KATNIP: variants seen among roughly 807,000 people sequenced by gnomAD.
The protein encoded by KATNIP is katanin-interacting protein.
In KATNIP, 126 loss-of-function variants were observed where a neutral mutation model predicts 174.0. The observed-to-expected ratio is 0.72, with a 90% confidence interval of 0.63 to 0.84. The LOEUF (loss-of-function observed/expected upper bound fraction) is 0.84. Among genes scored for constraint, KATNIP ranks in the 40% least tolerant of loss-of-function variants. The pLI is 0.00. For synonymous variants in KATNIP, 810 were observed against 835.7 expected (o/e 0.97, Z 0.53); for missense variants, 1,958 against 2,109.7 (o/e 0.93, Z 1.41).
rs138379305 is a variant in KATNIP, at chr16:27,699,075, G to A, written c.1114-459G>A. Among the ~76,000 whole-genome samples, 264 of 152,328 alleles carry A rather than the reference G, an allele frequency of 1.7e-3. 1 individual carries two copies. The highest frequency in any genetic ancestry group is 4.9e-3 in the African/African-American group (202 of 41,570). Reference sequence around the variant, plus strand: ...GCATTGGGTATAGCTTGGTGTGCACGTCCTTTCTCAGAAGCTTGGTCTGTG... The same window carrying A: ...GCATTGGGTATAGCTTGGTGTGCACATCCTTTCTCAGAAGCTTGGTCTGTG... On this transcript the variant is annotated intron_variant, in intron 9 of 27. Transcript: ENST00000261588.
chr16:27,740,426 A>C lies in KATNIP; in HGVS notation c.2129A>C (p.Asp710Ala). ...TCGGCAGTCCCCACTTCGATGGGTGACATGCCCAGTGCTCCTGCCACTTCC... is the reference window on the plus strand; with the variant it reads ...TCGGCAGTCCCCACTTCGATGGGTGCCATGCCCAGTGCTCCTGCCACTTCC... ...RLSAVPTSMG[D>A]MPSAPATSPP... The change falls in exon 15 of 28, where the codon GAC (aspartate) becomes GCC (alanine). Residue 710 changes from aspartate (D) to alanine (A), a missense_variant. Around this residue, in one of 3 missense-constraint regions of KATNIP, gnomAD observed 1,557 missense variants for 1,617.8 expected, o/e 0.96. Transcript: ENST00000261588. 1 of 1,614,038 alleles carries C rather than the reference A, an allele frequency of 6.2e-7. No individual in the cohort carries two copies. Among genetic ancestry groups the C allele is most frequent in the East Asian group, 2.2e-5 (1 of 44,890 alleles).
chr16:27,678,433 CT>C (rs2142768528), intron 7 of KATNIP, among the ~76,000 whole-genome samples: 1 of 152,178 alleles, frequency 6.6e-6, no homozygotes, highest in South Asian at 2.1e-4. Flanking sequence ...CTCCTTTTCC[CT>C]TCTGGCCTCT....
chr16:27,567,819 C>T (rs1051363150), intron 1 of KATNIP, among the ~76,000 whole-genome samples: 17 of 152,128 alleles, frequency 1.1e-4, no homozygotes, highest in African/African-American at 4.1e-4. Context: ...TGAGCCACTG[C>T]ACCCAGTGGT....
At chr16:27,627,630 G>A (rs917113014) in intron 3 of KATNIP, among the ~76,000 whole-genome samples, 18 of 152,208 alleles carry the variant, frequency 1.2e-4, no homozygotes, top group Admixed American at 6.5e-5. Context: ...CTCGTACTGC[G>A]AATAATGAGA....
At chr16:27,581,287 A>G (rs2090688452) in intron 2 of KATNIP, among the ~76,000 whole-genome samples, 1 of 152,234 alleles carries the variant, frequency 6.6e-6, no homozygotes, top group Admixed American at 6.5e-5. Context: ...CCCTGTGCAC[A>G]TAGGAATAGC....
intron 2 of KATNIP, among the ~76,000 whole-genome samples, chr16:27,584,342 G>A (rs533328082): frequency 6.6e-6 from 1 of 151,974 alleles, no homozygotes; most frequent in South Asian, 2.1e-4. Context: ...GGTTGGGTGG[G>A]GTCAACCCTA....
chr16:27,577,983 A>C (rs955782394), intron 2 of KATNIP, among the ~76,000 whole-genome samples: 3 of 152,194 alleles, frequency 2.0e-5, no homozygotes, highest in Non-Finnish European at 4.4e-5. Flanking sequence ...GGTGCAATTC[A>C]TTCATTCATA....
intron 2 of KATNIP, among the ~76,000 whole-genome samples, chr16:27,591,093 G>A (rs1206431037): frequency 6.6e-6 from 1 of 151,970 alleles, no homozygotes; most frequent in Non-Finnish European, 1.5e-5. Context: ...ATCTGGAAAA[G>A]TTCATCTTTC....
Position 27,698,425 on chromosome 16 carries a change from C to T in KATNIP, c.1038C>T (p.Ala346=). 6.2e-7 allele frequency: 1 copy of T among 1,613,620 alleles called. No individual in the cohort carries two copies. Among genetic ancestry groups the T allele is most frequent in the South Asian group, 1.1e-5 (1 of 90,912 alleles). ...AAGATGCCTCTGCTGTGCTCCAAGC[C>T]ATCCAGGTGGAGAACGCAGCCCTGC... ...PEEDASAVLQ[A]IQVENAALQR... is the part of the protein sequence containing the mutation. Residue 346 remains alanine (A), a synonymous_variant, in exon 9 of 28, where the codon GCC becomes GCT. Transcript: ENST00000261588.
intron 18 of KATNIP, 85 bp downstream of exon 18, chr16:27,754,336 C>A: frequency 8.6e-7 from 1 of 1,163,860 alleles, no homozygotes; most frequent in Non-Finnish European, 1.3e-6. Flanking sequence ...GACAGGGTTT[C>A]GCTGGACAAT....
At chr16:27,707,920 A>G (rs2079391389) in intron 12 of KATNIP, among the ~76,000 whole-genome samples, 1 of 151,950 alleles carries the variant, frequency 6.6e-6, no homozygotes, top group Non-Finnish European at 1.5e-5. Context: ...TTTTAACTTA[A>G]TCACCTATTT....
At chr16:27,573,782 A>T (rs1362485789) in intron 1 of KATNIP, 119 bp from the exon 2 acceptor site, 19 of 922,846 alleles carry the variant, frequency 2.1e-5, no homozygotes, top group Non-Finnish European at 3.2e-5. Context: ...GCATTTTCTT[A>T]AAATCATTTG....
intron 5 of KATNIP, chr16:27,632,594 C>G (rs1410166284): frequency 2.2e-6 from 1 of 456,488 alleles, no homozygotes; most frequent in Non-Finnish European, 4.4e-6. Context: ...GGGGTCAGAA[C>G]CACTCCATGG....
chr16:27,672,115 A>G (rs2077934404), intron 6 of KATNIP, among the ~76,000 whole-genome samples: 1 of 152,162 alleles, frequency 6.6e-6, no homozygotes, highest in Non-Finnish European at 1.5e-5. Flanking sequence ...ATCTCTGCCT[A>G]GCACCCTTCA....
chr16:27,604,219 C>T (rs2075629532), intron 2 of KATNIP, among the ~76,000 whole-genome samples: 1 of 152,240 alleles, frequency 6.6e-6, no homozygotes, highest in South Asian at 2.1e-4. Context: ...TCGCCTCAGC[C>T]TCCCAAGTAG....
rs1231453532 is a variant in KATNIP, at chr16:27,698,392, C to G, written c.1005C>G (p.Tyr335Ter). Reference protein sequence around the residue: ...ATRKTLCEAEYPEEDASAVLQ... With the variant: ...ATRKTLCEAE ...GCAAAACTCTTTGCGAGGCTGAGTA[C>G]CCAGAGGAAGATGCCTCTGCTGTGC... The change falls in exon 9 of 28, where the codon TAC (tyrosine) becomes TAG (stop). Residue 335 changes from tyrosine to a stop codon, truncating the protein, a stop_gained. Transcript: ENST00000261588. LOFTEE classifies it high-confidence loss of function. 1 of 1,613,286 alleles carries G rather than the reference C, an allele frequency of 6.2e-7. No individual in the cohort carries two copies.
chr16:27,670,786 G>A lies in KATNIP; in HGVS notation c.541-6943G>A, dbSNP rs116561588. 6.8e-3 allele frequency among the ~76,000 whole-genome samples: 1,030 copies of A among 152,176 alleles called. 15 individuals are homozygous for A. The highest frequency in any genetic ancestry group is 0.023 in the African/African-American group (968 of 41,512). On this transcript the variant is annotated intron_variant, in intron 6 of 27. Transcript: ENST00000261588. ...ACAAAATTTAAACATAAATGTAAAC[G>A]TATCATTTTTTTAAATTACAAAATT... is the stretch of plus-strand genomic sequence containing the variant.
At chr16:27,607,694 T>A (rs1412636479) in intron 2 of KATNIP, among the ~76,000 whole-genome samples, 1 of 150,512 alleles carries the variant, frequency 6.6e-6, no homozygotes, top group African/African-American at 2.5e-5. Flanking sequence ...GTCTCCCAGG[T>A]TCAAGCCATT....
chr16:27,771,484 G>T (rs762415252), intron 21 of KATNIP, 104 bp from the exon 22 acceptor site: 14 of 1,098,870 alleles, frequency 1.3e-5, no homozygotes, highest in Non-Finnish European at 1.9e-5. Context: ...CCTAGGGAAC[G>T]CTAAACTGCC....
Sources: gnomAD v4.1 joint callset for allele counts (sites outside exome capture counted in the v4.1 genomes callset) on GRCh38, gnomAD v4.1.1 for gene constraint, gnomAD v4.1.1 regional missense constraint, MANE v1.5 for transcripts, NCBI Gene and HGNC (gene_info 2026-07-23, HGNC 2026-07-21) for gene names.